PXDNL: variants seen among roughly 807,000 people sequenced by gnomAD.
The protein encoded by PXDNL is peroxidasin like.
In PXDNL, 145 loss-of-function variants were observed where a neutral mutation model predicts 150.8. The observed-to-expected ratio is 0.96, with a 90% CI of 0.84 to 1.10. The LOEUF (loss-of-function observed/expected upper bound fraction) is 1.10, where lower values mean the gene tolerates loss of function less well. Ranked by LOEUF, PXDNL falls within the 50% of genes least tolerant of loss-of-function variation. PXDNL has a pLI of 0.00. For missense variants in PXDNL, 2,087 were observed against 1,873.9 expected, an observed-to-expected ratio of 1.11 and a Z score of -2.10; for synonymous variants, 757 against 725.7, an observed-to-expected ratio of 1.04 and a Z score of -0.69.
At chr8:51,628,396 T>TTTA (rs1814409259) in intron 2 of PXDNL, among the ~76,000 whole-genome samples, 1 of 109,354 alleles carries the variant, frequency 9.1e-6, no homozygotes, top group African/African-American at 3.1e-5. Flanking sequence ...TTTCTTTTCT[T>TTTA]TTCTTTTTTT....
intron 8 of PXDNL, among the ~76,000 whole-genome samples, chr8:51,470,214 T>A (rs554079420): frequency 6.6e-5 from 10 of 152,128 alleles, no homozygotes; most frequent in African/African-American, 1.2e-4. Flanking sequence ...AACACTTCTA[T>A]CAATTGAAGT....
Position 51,699,001 on chromosome 8 carries a change from T to C in PXDNL, c.165-44241A>G, listed in dbSNP as rs569165674. Among the ~76,000 whole-genome samples the C allele has an allele frequency of 5.3e-5, 8 of 152,332 alleles. No homozygotes were observed. In the East Asian group the frequency reaches 1.4e-3, roughly 26 times the overall value. On this transcript the variant is annotated intron_variant, in intron 1 of 22. Coordinates refer to ENST00000356297, the MANE Select transcript of PXDNL (RefSeq NM_144651.5). The stretch of plus-strand genomic sequence containing the variant: ...CACTAAACCTTGCGGTAAAGAAATG[T>C]GCTGTCATCCAGGCTTTGTTGTTCC...
intron 4 of PXDNL, among the ~76,000 whole-genome samples, chr8:51,517,600 T>C (rs1467283914): frequency 1.3e-5 from 2 of 152,238 alleles, no homozygotes; most frequent in African/African-American, 4.8e-5. Context: ...AAATGTATCA[T>C]ACTAGCATTC....
intron 3 of PXDNL, 76 bp from the exon 4 acceptor site, chr8:51,556,987 C>G: frequency 4.7e-6 from 4 of 852,604 alleles, no homozygotes; most frequent in Non-Finnish European, 7.8e-6. Flanking sequence ...ACTTTTTAAA[C>G]TATAAGCTGT....
chr8:51,577,995 GAAAGAGGAAGGAAGGA>G (rs1563471164), intron 3 of PXDNL, among the ~76,000 whole-genome samples: 196 of 47,718 alleles, frequency 4.1e-3, no homozygotes, highest in Admixed American at 0.011. Flanking sequence ...AAGAAAGAAA[GAAAGAGGAAGGAAGGA>G]AGGAAGGAAG....
At chr8:51,468,696 CT>C (rs1247110058) in intron 8 of PXDNL, among the ~76,000 whole-genome samples, 3 of 151,878 alleles carry the variant, frequency 2.0e-5, no homozygotes, top group Admixed American at 1.3e-4. Context: ...TCTTTATCCA[CT>C]TTTTTTCTCC....
At position 51,475,020 on chromosome 8, in the gene PXDNL, G is replaced by T; in HGVS notation, c.646C>A (p.Leu216Ile). The change falls in exon 7 of 23, where the codon CTC becomes ATC. Residue 216 changes from leucine (L) to isoleucine (I), a missense_variant. Coordinates refer to ENST00000356297, the MANE Select transcript of PXDNL (RefSeq NM_144651.5). ...ACTGAAGCAACTGCACGCCCATGGA[G>T]TCTCCTGGGATATTCGCAGGTAGCC... is the stretch of plus-strand genomic sequence containing the variant. Reference protein sequence around the residue: ...AAATCEYPRRLHGRAVASVTV... With the variant: ...AAATCEYPRRIHGRAVASVTV... 1 of 1,611,642 alleles carries T rather than the reference G, an allele frequency of 6.2e-7. No homozygotes were observed. The highest frequency in any genetic ancestry group is 2.2e-5 in the East Asian group (1 of 44,818).
chr8:51,600,954 C>A (rs542934031), intron 2 of PXDNL, among the ~76,000 whole-genome samples: 28 of 130,946 alleles, frequency 2.1e-4, no homozygotes, highest in African/African-American at 7.3e-4. Flanking sequence ...ATTATATCTT[C>A]TATAAATTAT....
At chr8:51,373,219 A>G (rs1449972011) in intron 18 of PXDNL, among the ~76,000 whole-genome samples, 1 of 152,218 alleles carries the variant, frequency 6.6e-6, no homozygotes, top group Non-Finnish European at 1.5e-5. Context: ...GTGGACATAG[A>G]TAACAGAGGG....
chr8:51,405,456 T>A (rs372997158), intron 17 of PXDNL, among the ~76,000 whole-genome samples: 2 of 152,156 alleles, frequency 1.3e-5, no homozygotes, highest in Non-Finnish European at 2.9e-5. Flanking sequence ...GGGCTCAAGA[T>A]ACATCTTAGA....
At chr8:51,383,266 AAGC>A (rs1318339895) in intron 17 of PXDNL, among the ~76,000 whole-genome samples, 3 of 152,196 alleles carry the variant, frequency 2.0e-5, no homozygotes, top group African/African-American at 7.2e-5. Flanking sequence ...TAAGATTATA[AAGC>A]AGCTTCTGTA....
intron 1 of PXDNL, among the ~76,000 whole-genome samples, chr8:51,766,080 C>A (rs947343160): frequency 3.3e-5 from 5 of 152,206 alleles, no homozygotes; most frequent in Non-Finnish European, 4.4e-5. Flanking sequence ...CGTGATCCAC[C>A]TGCCTTGGCC....
At chr8:51,356,023 A>G (rs1806496766) in intron 19 of PXDNL, among the ~76,000 whole-genome samples, 1 of 152,252 alleles carries the variant, frequency 6.6e-6, no homozygotes, top group Admixed American at 6.5e-5. Context: ...GAGGAAAACA[A>G]ATGGACTTGG....
At chr8:51,651,324 A>G (rs1222519040) in intron 2 of PXDNL, among the ~76,000 whole-genome samples, 2 of 152,212 alleles carry the variant, frequency 1.3e-5, no homozygotes, top group Non-Finnish European at 1.5e-5. Context: ...CAAAATGTTA[A>G]CTAGTGAATT....
chr8:51,484,108 T>C (rs1220973766), intron 5 of PXDNL, among the ~76,000 whole-genome samples: 1 of 152,214 alleles, frequency 6.6e-6, no homozygotes, highest in Non-Finnish European at 1.5e-5. Flanking sequence ...CATACAATTT[T>C]TATTTGTGAA....
rs1809111856 is a variant in PXDNL, at chr8:51,426,689, CATGA to C, written c.1591_1594del (p.Ser531ValfsTer10). On this transcript the variant is annotated frameshift_variant, in exon 13 of 23. Transcript: ENST00000356297. LOFTEE classifies it high-confidence loss of function. ...GGGCTGTGGTTCTCCTTGAGCATGA[CATGA>C]AATGTTTATATTCTTTCCAACCTCG... 6.2e-7 allele frequency: 1 copy of C among 1,608,604 alleles called. No individual in the cohort carries two copies. Among genetic ancestry groups the C allele is most frequent in the East Asian group, 2.2e-5 (1 of 44,814 alleles).
intron 1 of PXDNL, among the ~76,000 whole-genome samples, chr8:51,660,975 G>A (rs1029565894): frequency 1.4e-4 from 21 of 152,138 alleles, no homozygotes; most frequent in African/African-American, 4.3e-4. Context: ...ATTTCAGGAC[G>A]GTGCTGGGAC....
At chr8:51,721,683 A>G (rs528602559) in intron 1 of PXDNL, 35 of 468,072 alleles carry the variant, frequency 7.5e-5, no homozygotes, top group South Asian at 4.3e-4. Context: ...ACTTTGCCTC[A>G]TTCTTGGAAG....
chr8:51,641,771 G>A (rs1425227111), intron 2 of PXDNL, among the ~76,000 whole-genome samples: 3 of 152,208 alleles, frequency 2.0e-5, no homozygotes, highest in Admixed American at 2.0e-4. Context: ...CTGTAAACTA[G>A]TGCAACCATT....
Sources: allele counts gnomAD v4.1 joint callset (sites outside exome capture counted in the v4.1 genomes callset), GRCh38; gene constraint gnomAD v4.1.1; transcripts MANE v1.5; gene names NCBI Gene and HGNC (gene_info 2026-07-23, HGNC 2026-07-21).